Variants in FBXO22 observed in about 807,000 individuals in gnomAD.
FBXO22 encodes the protein F-box only protein 22.
In FBXO22, 13 loss-of-function variants were observed where a neutral mutation model predicts 37.2. That is an observed-to-expected ratio of 0.35 (90% CI 0.23 to 0.56). FBXO22 has a LOEUF of 0.56. Ranked by LOEUF, FBXO22 falls within the 20% of genes least tolerant of loss-of-function variation. The probability of loss-of-function intolerance (pLI) is 0.87; values close to 1 mark genes in which losing one functional copy is unlikely to be tolerated. For synonymous variants in FBXO22, 189 were observed against 189.1 expected, an observed-to-expected ratio of 1.00 and a Z score of 0.00; for missense variants, 446 against 509.9, an observed-to-expected ratio of 0.87 and a Z score of 1.21.
chr15:75,919,477 A>G (rs1412629433), intron 5 of FBXO22, among the ~76,000 whole-genome samples: 1 of 152,226 alleles, frequency 6.6e-6, no homozygotes, highest in Non-Finnish European at 1.5e-5. Context: ...ACCTTAAAAG[A>G]TTGCAGGCTT....
chr15:75,940,421 A>G lies in FBXO22; in HGVS notation c.*7319A>G, dbSNP rs2030825870. The G allele has an allele frequency of 1.3e-5, 2 of 151,978 alleles. No individual in the cohort carries two copies. The highest frequency in any genetic ancestry group is 4.8e-5 in the African/African-American group (2 of 41,404). 9.4% of individuals were successfully genotyped at this position (151,978 alleles called of 1,614,324 possible). Reference sequence around the variant, plus strand: ...GTCAGTACTACTCAAAGTGATGTGCAGATTCACTACAGTCTCTATCAGAAT... The same window carrying G: ...GTCAGTACTACTCAAAGTGATGTGCGGATTCACTACAGTCTCTATCAGAAT... On this transcript the variant is annotated 3_prime_UTR_variant, in exon 7 of 7. Coordinates refer to ENST00000308275, the MANE Select transcript of FBXO22 (RefSeq NM_147188.3).
chr15:75,919,632 C>T (rs1313109861), intron 5 of FBXO22, among the ~76,000 whole-genome samples: 1 of 152,210 alleles, frequency 6.6e-6, no homozygotes, highest in Non-Finnish European at 1.5e-5. Flanking sequence ...AAATGACTTT[C>T]ATAAAACGCT....
intron 6 of FBXO22, chr15:75,930,487 C>G: frequency 1.0e-6 from 1 of 984,286 alleles, no homozygotes; most frequent in Non-Finnish European, 1.2e-6. Context: ...TGTGACAGTT[C>G]CCAAATGTGT....
intron 5 of FBXO22, 133 bp downstream of exon 5, chr15:75,917,527 T>G: frequency 1.6e-6 from 1 of 616,736 alleles, no homozygotes. Flanking sequence ...ACTGGAGATG[T>G]GGCTAATTCA....
At chr15:75,929,693 G>A (rs933863927) in intron 5 of FBXO22, among the ~76,000 whole-genome samples, 191 bp from the exon 6 acceptor site, 5 of 151,600 alleles carry the variant, frequency 3.3e-5, no homozygotes, top group Non-Finnish European at 7.4e-5. Context: ...TGTAAAAAAT[G>A]GAAAACTTGA....
In FBXO22 at chr15:75,940,124, A is replaced by C. The variant is rs1323055477; in HGVS notation, c.*7022A>C. On this transcript the variant is annotated 3_prime_UTR_variant, in exon 7 of 7. Transcript: ENST00000308275. ...AAAGATTCCACACCAAAAAAAAAAA[A>C]TAACTGTTAATTCAGTAAGGTAGCA... 6.8e-6 allele frequency: 1 copy of C among 146,796 alleles called. No homozygotes were observed. Among genetic ancestry groups the C allele is most frequent in the African/African-American group, 2.5e-5 (1 of 40,260 alleles). 9.1% of individuals were successfully genotyped at this position (146,796 alleles called of 1,614,324 possible). A position where few individuals can be genotyped will look rare whatever the true frequency, so the allele number is the denominator to read the frequency against.
chr15:75,927,013 A>G (rs930795590), intron 5 of FBXO22, among the ~76,000 whole-genome samples: 4 of 152,312 alleles, frequency 2.6e-5, no homozygotes, highest in African/African-American at 9.6e-5. Flanking sequence ...GAGGATGTAC[A>G]TCTTAAAGGT....
chr15:75,929,016 T>G (rs1389520845), intron 5 of FBXO22, among the ~76,000 whole-genome samples: 1 of 152,178 alleles, frequency 6.6e-6, no homozygotes, highest in Non-Finnish European at 1.5e-5. Context: ...GTACCCCAAA[T>G]TTGGTGACAT....
chr15:75,917,215 TAAC>T lies in FBXO22; in HGVS notation c.464-14_464-12del. ...TACTGACTCTATTGGTGAAACTGTT[TAAC>T]TTTTTCTCTAGTGACTCCAATGGGA... is the stretch of plus-strand genomic sequence containing the variant. On this transcript the variant is annotated splice_polypyrimidine_tract_variant and intron_variant, in intron 4 of 6. Coordinates refer to ENST00000308275, the MANE Select transcript of FBXO22 (RefSeq NM_147188.3). 1 of 1,598,054 alleles carries T rather than the reference TAAC, an allele frequency of 6.3e-7. No homozygotes were observed. The highest frequency in any genetic ancestry group is 8.5e-7 in the Non-Finnish European group (1 of 1,173,892).
At chr15:75,931,972 G>A (rs1383767892) in intron 6 of FBXO22, among the ~76,000 whole-genome samples, 1 of 152,156 alleles carries the variant, frequency 6.6e-6, no homozygotes, top group Non-Finnish European at 1.5e-5. Flanking sequence ...CCAGAACTTT[G>A]GGAGGCTGAG....
At chr15:75,918,027 G>T (rs760298412) in intron 5 of FBXO22, among the ~76,000 whole-genome samples, 2 of 152,154 alleles carry the variant, frequency 1.3e-5, no homozygotes, top group African/African-American at 4.8e-5. Context: ...AACAACAAAC[G>T]AATTACTCAA....
chr15:75,917,350 A>G lies in FBXO22; in HGVS notation c.584A>G (p.Asp195Gly). Residue 195 changes from aspartate (D) to glycine (G), a missense_variant, in exon 5 of 7, where the codon GAT (aspartate) becomes GGT (glycine). Asp to Gly is a moderately conservative substitution (Grantham distance 94). Transcript: ENST00000308275. Reference sequence around the variant, plus strand: ...ATACAACCCTTTCATTTTATTAAGGATCCAAAGAATTTAACATTAGAAAGA... The same window carrying G: ...ATACAACCCTTTCATTTTATTAAGGGTCCAAAGAATTTAACATTAGAAAGA... The part of the protein sequence containing the change: ...IKIQPFHFIK[D>G]PKNLTLERHQ... The G allele has an allele frequency of 6.2e-7, 1 of 1,606,538 alleles. No homozygotes were observed. The highest frequency in any genetic ancestry group is 8.5e-7 in the Non-Finnish European group (1 of 1,174,040).
At chr15:75,923,634 T>G (rs1034408109) in intron 5 of FBXO22, among the ~76,000 whole-genome samples, 1 of 152,188 alleles carries the variant, frequency 6.6e-6, no homozygotes, top group African/African-American at 2.4e-5. Context: ...TGCTATGATG[T>G]GGTGATCATT....
In FBXO22 at chr15:75,940,929, G is replaced by GA. The variant is rs1196806879; in HGVS notation, c.*7833dup. ...GACACCAAATTCACAGACAACGAAA[G>GA]AAAAAATAGGCAAATTATACTTCAT... On this transcript the variant is annotated 3_prime_UTR_variant, in exon 7 of 7. Transcript: ENST00000308275. 1 of 152,076 alleles carries GA rather than the reference G, an allele frequency of 6.6e-6. No homozygotes were observed. The highest frequency in any genetic ancestry group is 6.5e-5 in the Admixed American group (1 of 15,278). The allele number at this position is 152,076 out of a possible 1,614,324, so 9.4% of individuals were successfully genotyped here.
At chr15:75,904,274 C>T (rs571542893) in intron 1 of FBXO22, 171 bp downstream of exon 1, 2 of 1,136,772 alleles carry the variant, frequency 1.8e-6, no homozygotes, top group Admixed American at 2.9e-5. Flanking sequence ...CCGTGGTGCC[C>T]CGGGGGGACT....
rs949796406 is a variant in FBXO22 at position 75,917,409 on chromosome 15, T to C, written c.628+15T>C. ...CACTGAAGTAGGTAAGTTACTTTTA[T>C]TTATCATTAACTGCTCATTTTATTG... On this transcript the variant is annotated intron_variant, in intron 5 of 6. Coordinates refer to ENST00000308275, the MANE Select transcript of FBXO22 (RefSeq NM_147188.3). The C allele has an allele frequency of 6.5e-7, 1 of 1,536,772 alleles. No homozygotes were observed. Among genetic ancestry groups the C allele is most frequent in the Non-Finnish European group, 8.9e-7 (1 of 1,126,990 alleles).
At chr15:75,929,659 ATAAT>A (rs1035475675) in intron 5 of FBXO22, among the ~76,000 whole-genome samples, 110 of 152,282 alleles carry the variant, frequency 7.2e-4, no homozygotes, top group African/African-American at 2.5e-3. Flanking sequence ...AATAGAAAAA[ATAAT>A]TAAGATTTTG....
chr15:75,921,021 G>A (rs1427826118), intron 5 of FBXO22, among the ~76,000 whole-genome samples: 2 of 152,090 alleles, frequency 1.3e-5, no homozygotes, highest in Non-Finnish European at 2.9e-5. Context: ...TACTTACACA[G>A]ACCTAGATGT....
intron 5 of FBXO22, among the ~76,000 whole-genome samples, chr15:75,927,290 A>G (rs1214033563): frequency 6.6e-6 from 1 of 152,094 alleles, no homozygotes; most frequent in Non-Finnish European, 1.5e-5. Flanking sequence ...TTTCCTTTAC[A>G]TTGGGTATGT....
Sources: gnomAD v4.1 joint callset for allele counts (sites outside exome capture counted in the v4.1 genomes callset) on GRCh38, gnomAD v4.1.1 for gene constraint, MANE v1.5 for transcripts, NCBI Gene and HGNC (gene_info 2026-07-23, HGNC 2026-07-21) for gene names.